Variants in GRIP1 observed in about 807,000 individuals in gnomAD.
GRIP1 encodes the protein glutamate receptor interacting protein 1.
A neutral mutation model predicts 129.9 loss-of-function variants in GRIP1; 45 were observed. That is an observed-to-expected ratio of 0.35 (90% CI 0.27 to 0.44). The LOEUF (loss-of-function observed/expected upper bound fraction) is 0.44. GRIP1 is among the 20% of genes least tolerant of loss of function. The pLI, the probability that GRIP1 is intolerant of heterozygous loss-of-function variation, is 1.00. For synonymous variants in GRIP1, 530 were observed against 520.8 expected (o/e 1.02, Z -0.24); for missense variants, 1,196 against 1,396.8 (o/e 0.86, Z 2.29).
chr12:66,376,274 AG>A (rs1414548788), intron 22 of GRIP1, among the ~76,000 whole-genome samples: 1 of 152,258 alleles, frequency 6.6e-6, no homozygotes, highest in African/African-American at 2.4e-5. Flanking sequence ...AATAATATAA[AG>A]ATGAGTAATC....
intron 1 of GRIP1, among the ~76,000 whole-genome samples, chr12:66,938,073 C>T (rs894678831): frequency 4.6e-5 from 7 of 152,086 alleles, no homozygotes; most frequent in Admixed American, 3.3e-4. Context: ...TTTTTATATT[C>T]GTTTCATGTT....
intron 7 of GRIP1, among the ~76,000 whole-genome samples, chr12:66,472,182 AGTGG>A: frequency 6.6e-6 from 1 of 152,340 alleles, no homozygotes; most frequent in African/African-American, 2.4e-5. Context: ...GTCCCATGGA[AGTGG>A]ACTTTCTAAG....
At chr12:66,407,777 C>G (rs967153362) in intron 15 of GRIP1, among the ~76,000 whole-genome samples, 1 of 152,174 alleles carries the variant, frequency 6.6e-6, no homozygotes, top group Non-Finnish European at 1.5e-5. Context: ...GCCACAAAGA[C>G]AGCAATTCCT....
chr12:66,608,651 G>T (rs1297850425), intron 1 of GRIP1, among the ~76,000 whole-genome samples: 1 of 152,078 alleles, frequency 6.6e-6, no homozygotes, highest in African/African-American at 2.4e-5. Context: ...TTTTTGTATG[G>T]ACAACATCAA....
At chr12:66,903,734 C>T (rs1007593420) in intron 1 of GRIP1, among the ~76,000 whole-genome samples, 3 of 152,106 alleles carry the variant, frequency 2.0e-5, no homozygotes, top group Non-Finnish European at 4.4e-5. Flanking sequence ...AGATATTGTT[C>T]TTTCCCAAAA....
intron 24 of GRIP1, among the ~76,000 whole-genome samples, chr12:66,352,366 G>C (rs1251378431): frequency 6.6e-6 from 1 of 152,250 alleles, no homozygotes; most frequent in South Asian, 2.1e-4. Context: ...CACAAGCTCA[G>C]GGCACAGCAG....
chr12:66,685,683 G>T (rs760086626), intron 1 of GRIP1, among the ~76,000 whole-genome samples: 2 of 152,178 alleles, frequency 1.3e-5, no homozygotes, highest in Non-Finnish European at 2.9e-5. Context: ...AGCTAGGTTA[G>T]ATCAAGGGAA....
intron 1 of GRIP1, among the ~76,000 whole-genome samples, chr12:66,689,552 T>C (rs2034903429): frequency 1.3e-5 from 2 of 152,162 alleles, no homozygotes; most frequent in African/African-American, 2.4e-5. Flanking sequence ...TGGCATAAAA[T>C]AAAAATTGTA....
chr12:66,355,097 G>A (rs946439749), intron 23 of GRIP1, among the ~76,000 whole-genome samples: 5 of 152,126 alleles, frequency 3.3e-5, no homozygotes, highest in Non-Finnish European at 7.4e-5. Context: ...TCCTGGACAG[G>A]AGCCACCCTC....
At chr12:66,724,492 A>C (rs2036190824) in intron 1 of GRIP1, among the ~76,000 whole-genome samples, 1 of 152,204 alleles carries the variant, frequency 6.6e-6, no homozygotes, top group Non-Finnish European at 1.5e-5. Flanking sequence ...ATTTCAGTGA[A>C]AAGTCAGTCA....
intron 9 of GRIP1, among the ~76,000 whole-genome samples, chr12:66,456,577 C>G (rs796852165): frequency 6.6e-5 from 10 of 152,190 alleles, no homozygotes; most frequent in African/African-American, 2.4e-4. Context: ...TATCTTTCCT[C>G]AGCTCGTTTT....
chr12:66,988,581 G>A (rs1027593962), intron 1 of GRIP1, among the ~76,000 whole-genome samples: 1 of 152,032 alleles, frequency 6.6e-6, no homozygotes, highest in African/African-American at 2.4e-5. Flanking sequence ...GGTTTCCCAT[G>A]TTGCACAGAC....
At chr12:66,851,487 C>T (rs1323324557) in intron 1 of GRIP1, among the ~76,000 whole-genome samples, 1 of 152,036 alleles carries the variant, frequency 6.6e-6, no homozygotes, top group Non-Finnish European at 1.5e-5. Context: ...AAACAGCTAA[C>T]CAAATCTTCA....
chr12:66,715,442 T>C (rs533065407), intron 1 of GRIP1, among the ~76,000 whole-genome samples: 52 of 101,852 alleles, frequency 5.1e-4, no homozygotes, highest in South Asian at 1.7e-3. Context: ...CAGCAATGAA[T>C]TGTAGCTTGA....
chr12:67,021,493 ATAC>A (rs1324967412), intron 1 of GRIP1, among the ~76,000 whole-genome samples: 1 of 152,210 alleles, frequency 6.6e-6, no homozygotes, highest in African/African-American at 2.4e-5. Flanking sequence ...TTGTATGGAT[ATAC>A]TACAATTTAT....
At chr12:66,656,793 T>C (rs909581571) in intron 1 of GRIP1, among the ~76,000 whole-genome samples, 7 of 152,174 alleles carry the variant, frequency 4.6e-5, no homozygotes, top group African/African-American at 7.2e-5. Flanking sequence ...GGTATTTCAG[T>C]TTGCAACCCG....
intron 1 of GRIP1, among the ~76,000 whole-genome samples, chr12:66,979,252 A>AAAAC (rs772753895): frequency 1.5e-4 from 17 of 110,234 alleles, no homozygotes; most frequent in Admixed American, 3.6e-4. Flanking sequence ...AAAAAAAAAA[A>AAAAC]AACAAGCCCG....
chr12:66,931,529 G>A (rs1428240713), intron 1 of GRIP1, among the ~76,000 whole-genome samples: 1 of 152,178 alleles, frequency 6.6e-6, no homozygotes, highest in Non-Finnish European at 1.5e-5. Context: ...TAATAAATAT[G>A]AGAGATGTTA....
chr12:66,913,121 T>C (rs563491421), intron 1 of GRIP1, among the ~76,000 whole-genome samples: 3 of 152,294 alleles, frequency 2.0e-5, no homozygotes, highest in African/African-American at 7.2e-5. Flanking sequence ...AAAAAGCAGC[T>C]TTGGATCTGC....
Sources: gnomAD v4.1 joint callset for allele counts (sites outside exome capture counted in the v4.1 genomes callset) on GRCh38, gnomAD v4.1.1 for gene constraint, MANE v1.5 for transcripts, NCBI Gene and HGNC (gene_info 2026-07-23, HGNC 2026-07-21) for gene names.